The following WDPCP variants were observed in gnomAD, a reference collection of about 807,000 sequenced individuals.
WDPCP encodes WD repeat containing planar cell polarity effector.
In WDPCP, 71 loss-of-function variants were observed where a neutral mutation model predicts 93.1. The ratio of observed to expected loss-of-function variants is 0.76; its 90% CI spans 0.63 to 0.93. The LOEUF is 0.93. Ranked by LOEUF, WDPCP falls within the 40% of genes least tolerant of loss-of-function variation. The pLI is 0.00. For synonymous variants in WDPCP, 315 were observed against 315.0 expected (o/e 1.00, Z 0.00); for missense variants, 844 against 887.4 (o/e 0.95, Z 0.62).
At chr2:63,296,954 T>C (rs1457351642) in intron 13 of WDPCP, among the ~76,000 whole-genome samples, 5 of 152,134 alleles carry the variant, frequency 3.3e-5, no homozygotes, top group Admixed American at 2.6e-4. Flanking sequence ...AAAGTTCTTA[T>C]CGAATCAAAA....
intron 2 of WDPCP, among the ~76,000 whole-genome samples, chr2:63,777,633 A>G (rs1367305660): frequency 6.6e-6 from 1 of 152,244 alleles, no homozygotes; most frequent in Non-Finnish European, 1.5e-5. Flanking sequence ...ATGAATCTCA[A>G]AATAATTATG....
chr2:63,385,255 A>T (rs1384199891), intron 10 of WDPCP, among the ~76,000 whole-genome samples: 1 of 152,088 alleles, frequency 6.6e-6, no homozygotes, highest in Non-Finnish European at 1.5e-5. Context: ...CTCTCTTACC[A>T]TTTCTATTTA....
intron 13 of WDPCP, among the ~76,000 whole-genome samples, chr2:63,296,794 A>C (rs192346255): frequency 6.8e-6 from 1 of 146,304 alleles, no homozygotes; most frequent in Middle Eastern, 3.4e-3. Context: ...ATCACAGATG[A>C]TACAAAAAAA....
At chr2:63,619,642 G>C (rs534931777) in intron 3 of WDPCP, among the ~76,000 whole-genome samples, 5 of 152,268 alleles carry the variant, frequency 3.3e-5, no homozygotes, top group South Asian at 2.1e-4. Context: ...TTGTATCTAA[G>C]GAGATCTTTC....
At chr2:63,787,244 C>T (rs781131410) in intron 2 of WDPCP, among the ~76,000 whole-genome samples, 3 of 152,096 alleles carry the variant, frequency 2.0e-5, no homozygotes, top group Non-Finnish European at 4.4e-5. Flanking sequence ...GAGATGGGCC[C>T]CTGTGGGGAA....
intron 3 of WDPCP, among the ~76,000 whole-genome samples, chr2:63,631,336 T>G (rs973937255): frequency 6.6e-6 from 1 of 152,034 alleles, no homozygotes; most frequent in Admixed American, 6.6e-5. Context: ...AGAAAATAAT[T>G]TATAGCACTA....
chr2:63,178,025 A>G (rs1673949926), intron 14 of WDPCP, among the ~76,000 whole-genome samples: 1 of 152,162 alleles, frequency 6.6e-6, no homozygotes, highest in Non-Finnish European at 1.5e-5. Context: ...TGTGATTAGA[A>G]TGATTTTCTT....
At chr2:63,148,496 C>T (rs1027099053) in intron 17 of WDPCP, among the ~76,000 whole-genome samples, 2 of 151,894 alleles carry the variant, frequency 1.3e-5, no homozygotes, top group African/African-American at 2.4e-5. Context: ...TGTACCACCA[C>T]GCCAGCTAAT....
chr2:63,346,685 T>C (rs1223576897), intron 12 of WDPCP, among the ~76,000 whole-genome samples: 2 of 152,200 alleles, frequency 1.3e-5, no homozygotes, highest in Non-Finnish European at 2.9e-5. Context: ...GTGACTCTTA[T>C]GTAGATTTAT....
chr2:63,231,007 T>G (rs1439041963), intron 14 of WDPCP, among the ~76,000 whole-genome samples: 1 of 152,110 alleles, frequency 6.6e-6, no homozygotes, highest in Non-Finnish European at 1.5e-5. Context: ...AATAAAATAC[T>G]GGCAAACTGA....
At chr2:63,706,649 G>A (rs768596591) in intron 2 of WDPCP, among the ~76,000 whole-genome samples, 7 of 117,988 alleles carry the variant, frequency 5.9e-5, no homozygotes, top group East Asian at 5.0e-4. Flanking sequence ...TCGCTCTGTC[G>A]CCCAGGCTGG....
chr2:63,577,156 A>G (rs900851115), intron 1 of WDPCP, among the ~76,000 whole-genome samples: 4 of 152,170 alleles, frequency 2.6e-5, no homozygotes, highest in Admixed American at 2.6e-4. Flanking sequence ...GTAATTTCCA[A>G]AGTGATATTT....
At chr2:63,821,124 TGAG>T (rs1310572014) in intron 1 of WDPCP, among the ~76,000 whole-genome samples, 2 of 152,166 alleles carry the variant, frequency 1.3e-5, no homozygotes, top group East Asian at 3.8e-4. Context: ...TCCTTGTCCT[TGAG>T]GAGTTCACAG....
At chr2:63,481,589 C>T (rs1401717984) in intron 6 of WDPCP, among the ~76,000 whole-genome samples, 1 of 152,020 alleles carries the variant, frequency 6.6e-6, no homozygotes, top group Admixed American at 6.6e-5. Context: ...ATGGCATTCA[C>T]AGCAATTTAG....
intron 14 of WDPCP, among the ~76,000 whole-genome samples, chr2:63,216,753 G>C (rs534118012): frequency 6.6e-6 from 1 of 151,590 alleles, no homozygotes; most frequent in Admixed American, 6.6e-5. Context: ...AGTTAATGTA[G>C]AACATGGCCA....
intron 17 of WDPCP, among the ~76,000 whole-genome samples, chr2:63,130,679 G>A (rs1012987624): frequency 6.6e-6 from 1 of 151,914 alleles, no homozygotes; most frequent in African/African-American, 2.4e-5. Context: ...TAGGAATTGA[G>A]TGGAGAGTTC....
chr2:63,672,842 C>A (rs1185114808), intron 2 of WDPCP, among the ~76,000 whole-genome samples: 1 of 151,962 alleles, frequency 6.6e-6, no homozygotes, highest in African/African-American at 2.4e-5. Flanking sequence ...CTTCTGGATT[C>A]AAGCCATCCT....
chr2:63,219,738 C>G (rs1157763044), intron 14 of WDPCP, among the ~76,000 whole-genome samples: 1 of 152,154 alleles, frequency 6.6e-6, no homozygotes, highest in Non-Finnish European at 1.5e-5. Context: ...CGGTGGCTCA[C>G]GCCTGTAATC....
rs1692015132 is a variant in WDPCP at position 63,378,249 on chromosome 2, A to G, written c.1748+137T>C. On this transcript the variant is annotated intron_variant, in intron 12 of 17. Transcript: ENST00000272321. ...AACAATAACAAATTAAATAAGACCA[A>G]AAGAAGATGTATATTTCTTTGAGGA... 4 of 1,157,540 alleles carry G rather than the reference A, an allele frequency of 3.5e-6. No homozygotes were observed. In the Admixed American group the frequency reaches 9.0e-5, roughly 26 times the overall value. The allele number at this position is 1,157,540 out of a possible 1,614,324, so 71.7% of individuals were successfully genotyped here. A position where few individuals can be genotyped will look rare whatever the true frequency, so the allele number is the denominator to read the frequency against.
Sources: allele counts gnomAD v4.1 joint callset (sites outside exome capture counted in the v4.1 genomes callset), GRCh38; gene constraint gnomAD v4.1.1; transcripts MANE v1.5; gene names NCBI Gene and HGNC (gene_info 2026-07-23, HGNC 2026-07-21).